The following CLSPN variants were observed in gnomAD, a reference collection of about 807,000 sequenced individuals.
The protein encoded by CLSPN is claspin.
A neutral mutation model predicts 156.3 loss-of-function variants in CLSPN; 85 were observed. That is an observed-to-expected ratio of 0.54 (90% confidence interval 0.46 to 0.65). The LOEUF is 0.65. Ranked by LOEUF, CLSPN falls within the 30% of genes least tolerant of loss-of-function variation. CLSPN has a pLI of 0.00. For missense variants in CLSPN, 1,407 were observed against 1,554.9 expected, an observed-to-expected ratio of 0.90 and a Z score of 1.60; for synonymous variants, 534 against 542.4, an observed-to-expected ratio of 0.98 and a Z score of 0.22.
chr1:35,723,331 C>T (rs751035623), intron 24 of CLSPN, among the ~76,000 whole-genome samples: 11 of 152,114 alleles, frequency 7.2e-5, no homozygotes, highest in Admixed American at 2.0e-4. Context: ...TGATGGACAG[C>T]GGGTAAGCCT....
intron 6 of CLSPN, 144 bp downstream of exon 6, chr1:35,761,854 C>T (rs1557522291): frequency 1.6e-6 from 1 of 617,178 alleles, no homozygotes; most frequent in South Asian, 2.1e-5. Flanking sequence ...AGAACAATGG[C>T]CTTTCACCAA....
chr1:35,769,747 C>T, intron 1 of CLSPN, 100 bp downstream of exon 1: 1 of 1,206,670 alleles, frequency 8.3e-7, no homozygotes, highest in Non-Finnish European at 1.1e-6. Context: ...GCAGTCCTCC[C>T]GCCCGGGCGC....
chr1:35,726,340 C>T (rs545147172), intron 24 of CLSPN, among the ~76,000 whole-genome samples: 18 of 152,090 alleles, frequency 1.2e-4, no homozygotes, highest in Admixed American at 6.6e-4. Flanking sequence ...CTTCCCAGAC[C>T]CTTTCCTCCT....
downstream of CLSPN, chr1:35,732,068 G>A (rs1426184983): frequency 2.4e-6 from 2 of 821,288 alleles, no homozygotes; most frequent in African/African-American, 3.7e-5. Context: ...CAGCAACTCT[G>A]AGACAGCCAT....
chr1:35,753,465 C>T (rs1271888520), intron 9 of CLSPN, among the ~76,000 whole-genome samples: 1 of 152,016 alleles, frequency 6.6e-6, no homozygotes, highest in East Asian at 1.9e-4. Flanking sequence ...GTTATAGAAC[C>T]TGTCTCTGAT....
In CLSPN at chr1:35,737,503, G is replaced by A. The variant is rs201797606; in HGVS notation, c.3665-82C>T. The A allele has an allele frequency of 1.8e-4, 200 of 1,086,250 alleles. 1 individual carries two copies. The East Asian group carries it at 4.6e-3, about 25-fold the overall frequency. 67.3% of individuals were successfully genotyped at this position (1,086,250 alleles called of 1,614,324 possible). ...AAATCTAAACAAGCTAAGAAATCTT[G>A]TAACTAAATCAATATGCTAAAGCCA... On this transcript the variant is annotated intron_variant, in intron 22 of 24. Coordinates refer to ENST00000318121, the MANE Select transcript of CLSPN (RefSeq NM_022111.4).
intron 24 of CLSPN, among the ~76,000 whole-genome samples, chr1:35,721,648 A>C (rs1414188524): frequency 6.6e-6 from 1 of 151,952 alleles, no homozygotes; most frequent in Non-Finnish European, 1.5e-5. Flanking sequence ...TTGACCTCCC[A>C]AAGTGCTGGG....
chr1:35,739,260 G>A lies in CLSPN; in HGVS notation c.3309-3C>T. 2 of 1,614,110 alleles carry A rather than the reference G, an allele frequency of 1.2e-6. No individual in the cohort carries two copies. The highest frequency in any genetic ancestry group is 1.7e-6 in the Non-Finnish European group (2 of 1,180,022). ...TATCATCATCCAACATAGTTTTCCTGCAACAGGAGAAATAAGGTGTTCAAA... is the reference window on the plus strand; with the variant it reads ...TATCATCATCCAACATAGTTTTCCTACAACAGGAGAAATAAGGTGTTCAAA... On this transcript the variant is annotated splice_polypyrimidine_tract_variant and splice_region_variant and intron_variant, in intron 19 of 24. Transcript: ENST00000318121.
Position 35,732,332 on chromosome 1 carries a change from C to G in CLSPN, c.*4164G>C. 3.0e-6 allele frequency: 3 copies of G among 985,266 alleles called. No individual in the cohort carries two copies. The highest frequency in any genetic ancestry group is 1.7e-5 in the African/African-American group (1 of 57,288). The allele number at this position is 985,266 out of a possible 1,614,324, so 61.0% of individuals were successfully genotyped here. On this transcript the variant is annotated 3_prime_UTR_variant, in exon 25 of 25. Coordinates refer to ENST00000318121, the MANE Select transcript of CLSPN (RefSeq NM_022111.4). ...TGCCACAAGAGTGATTAGACATAAC[C>G]CTAGGAGATAAAAACCAAAAACACC...
downstream of CLSPN, among the ~76,000 whole-genome samples, chr1:35,727,341 T>C (rs1374990720): frequency 1.3e-5 from 2 of 152,206 alleles, no homozygotes; most frequent in Non-Finnish European, 2.9e-5. Context: ...CCTTCAGAGT[T>C]GACCCAAAAT....
Position 35,769,894 on chromosome 1 carries a change from A to T in CLSPN, c.-24T>A. ...ATGACTTCTGCCTCCCCTGCGCTCCACTAGGGACGGAGCTGTCTCTGATTC... is the reference window on the plus strand; with the variant it reads ...ATGACTTCTGCCTCCCCTGCGCTCCTCTAGGGACGGAGCTGTCTCTGATTC... On this transcript the variant is annotated 5_prime_UTR_variant, in exon 1 of 25. Transcript: ENST00000318121. 6.2e-7 allele frequency: 1 copy of T among 1,607,954 alleles called. No individual in the cohort carries two copies. Among genetic ancestry groups the T allele is most frequent in the Non-Finnish European group, 8.5e-7 (1 of 1,177,050 alleles).
chr1:35,757,774 C>G (rs1464031724), intron 8 of CLSPN, among the ~76,000 whole-genome samples: 1 of 152,214 alleles, frequency 6.6e-6, no homozygotes, highest in East Asian at 1.9e-4. Flanking sequence ...TATGCTAGTT[C>G]TGTTATACAA....
chr1:35,758,287 TC>T (rs1642352371), intron 8 of CLSPN, among the ~76,000 whole-genome samples: 1 of 151,928 alleles, frequency 6.6e-6, no homozygotes, highest in South Asian at 2.1e-4. Flanking sequence ...CAAGCAATCC[TC>T]CCACCTCAGC....
chr1:35,749,874 C>G (rs1642023533), intron 10 of CLSPN, 63 bp from the exon 11 acceptor site: 1 of 1,542,124 alleles, frequency 6.5e-7, no homozygotes, highest in Non-Finnish European at 8.7e-7. Context: ...AGCAAATACA[C>G]TGGTAGCCTG....
intron 8 of CLSPN, among the ~76,000 whole-genome samples, chr1:35,754,507 G>C (rs1642206939): frequency 6.6e-6 from 1 of 152,130 alleles, no homozygotes. Flanking sequence ...ACCATGCCCA[G>C]CTAATTTTTT....
At chr1:35,728,556 G>A (rs1571183700), downstream of CLSPN, among the ~76,000 whole-genome samples, 1 of 152,050 alleles carries the variant, frequency 6.6e-6, no homozygotes. Flanking sequence ...CTTCCCTAAT[G>A]TCTAACCTCC....
chr1:35,742,996 A>G, intron 18 of CLSPN, 145 bp downstream of exon 18: 1 of 626,598 alleles, frequency 1.6e-6, no homozygotes. Flanking sequence ...CACCAAGACC[A>G]GGCTGGTCTT....
rs1201845193 is a variant in CLSPN, at chr1:35,746,948, T to G, written c.2672A>C (p.Lys891Thr). The G allele has an allele frequency of 1.9e-6, 3 of 1,614,050 alleles. No individual in the cohort carries two copies. Among genetic ancestry groups the G allele is most frequent in the African/African-American group, 1.3e-5 (1 of 74,930 alleles). ...CATACTGGCCAATGGCAATCGAGGC[T>G]TCAAAGCTTGGTACTGATTCCTGTG... Reference protein sequence around the residue: ...RNHRNQYQALKPRLPLASMDE... With the variant: ...RNHRNQYQALTPRLPLASMDE... The change falls in exon 15 of 25, where the codon AAG (lysine) becomes ACG (threonine). Residue 891 changes from lysine (K) to threonine (T), a missense_variant. Physicochemically the swap from Lys to Thr is moderately conservative, Grantham distance 78 (BLOSUM62 -1). Coordinates refer to ENST00000318121, the MANE Select transcript of CLSPN (RefSeq NM_022111.4). This position sits in a 1 kb window ranked among gnomAD's most constrained non-coding sequence, Gnocchi z 4.2.
chr1:35,734,159 T>TC lies in CLSPN; in HGVS notation c.*2336dup, dbSNP rs1454476347. The TC allele has an allele frequency of 4.1e-6, 4 of 985,282 alleles. No individual in the cohort carries two copies. Among genetic ancestry groups the TC allele is most frequent in the Non-Finnish European group, 4.8e-6 (4 of 829,926 alleles). The allele number at this position is 985,282 out of a possible 1,614,324, so 61.0% of individuals were successfully genotyped here. ...CTTCTCAGTTTAGACCCAGAGGGTT[T>TC]CCCTGGGATGGAGATAACCTGAAAA... On this transcript the variant is annotated 3_prime_UTR_variant, in exon 25 of 25. Coordinates refer to ENST00000318121, the MANE Select transcript of CLSPN (RefSeq NM_022111.4).
Sources: allele counts gnomAD v4.1 joint callset (sites outside exome capture counted in the v4.1 genomes callset), GRCh38; gene constraint gnomAD v4.1.1; non-coding constraint Gnocchi (gnomAD v3.1); transcripts MANE v1.5; gene names NCBI Gene and HGNC (gene_info 2026-07-23, HGNC 2026-07-21).